TCF3: variants seen among roughly 807,000 people sequenced by gnomAD.
The protein encoded by TCF3 is transcription factor 3, also known as transcription factor E2-alpha.
In TCF3, 54 loss-of-function variants were observed where a neutral mutation model predicts 72.3. That is an observed-to-expected ratio of 0.75 (90% CI 0.60 to 0.94). TCF3 has a LOEUF of 0.94. Among genes scored for constraint, TCF3 ranks in the 40% least tolerant of loss-of-function variants. The pLI is 0.00. For missense variants in TCF3, 1,078 were observed against 934.4 expected, an observed-to-expected ratio of 1.15 and a Z score of -2.00; for synonymous variants, 525 against 412.6, an observed-to-expected ratio of 1.27 and a Z score of -3.30.
intron 3 of TCF3, among the ~76,000 whole-genome samples, chr19:1,636,067 C>G (rs2064356957): frequency 6.6e-6 from 1 of 152,252 alleles, no homozygotes; most frequent in Non-Finnish European, 1.5e-5. Context: ...TTCTCAGACC[C>G]ATTCCCAGCC....
chr19:1,634,309 TA>T (rs2064105503), intron 3 of TCF3, among the ~76,000 whole-genome samples: 1 of 152,258 alleles, frequency 6.6e-6, no homozygotes, highest in Admixed American at 6.5e-5. Context: ...ACTAATAGAA[TA>T]AGACACTGCT....
At chr19:1,635,046 G>C (rs1008791245) in intron 3 of TCF3, among the ~76,000 whole-genome samples, 9 of 152,216 alleles carry the variant, frequency 5.9e-5, no homozygotes, top group African/African-American at 2.2e-4. Flanking sequence ...TTCAGTACCA[G>C]GAGTGGGGTT....
At chr19:1,629,306 C>T (rs1382513379) in intron 5 of TCF3, among the ~76,000 whole-genome samples, 1 of 152,022 alleles carries the variant, frequency 6.6e-6, no homozygotes, top group Non-Finnish European at 1.5e-5. Flanking sequence ...CCTGTGCACA[C>T]CGCATCAGGT....
At position 1,652,431 on chromosome 19, in the gene TCF3, G is replaced by T. The variant is rs1291032882; in HGVS notation, c.-171C>A. On this transcript the variant is annotated 5_prime_UTR_variant, in exon 1 of 19. Coordinates refer to ENST00000262965, the MANE Select transcript of TCF3 (RefSeq NM_003200.5). ...CGCGTGGGCGGCGGCGGCGGCGCGCGTGGCCCGGGCCCCTCCCACCCCCGC... is the reference window on the plus strand; with the variant it reads ...CGCGTGGGCGGCGGCGGCGGCGCGCTTGGCCCGGGCCCCTCCCACCCCCGC... 3.5e-5 allele frequency: 5 copies of T among 142,350 alleles called. No individual in the cohort carries two copies. The highest frequency in any genetic ancestry group is 1.0e-4 in the African/African-American group (4 of 39,652). The allele number at this position is 142,350 out of a possible 1,614,324, so 8.8% of individuals were successfully genotyped here.
intron 7 of TCF3, 46 bp from the exon 8 acceptor site, chr19:1,624,046 C>T: frequency 6.3e-7 from 1 of 1,588,782 alleles, no homozygotes; most frequent in Non-Finnish European, 8.6e-7. Flanking sequence ...GCCATGAGAA[C>T]AACCCCTGCC....
At position 1,614,705 on chromosome 19, in the gene TCF3, GCTCACAT is replaced by G. The variant is rs958715351; in HGVS notation, c.1822+573_1822+579del. ...CAGCGCCAGCGGGGGGAAGGAGTCAGCTCACATCTGCGGGTGGGGACAGGGTCTGTCT... is the reference window on the plus strand; with the variant it reads ...CAGCGCCAGCGGGGGGAAGGAGTCAGCTGCGGGTGGGGACAGGGTCTGTCT... On this transcript the variant is annotated intron_variant, in intron 18 of 18. Coordinates refer to ENST00000262965, the MANE Select transcript of TCF3 (RefSeq NM_003200.5). The surrounding 1 kb of genome is among the most constrained non-coding windows in gnomAD (Gnocchi z 5.6). Among the ~76,000 whole-genome samples, 20 of 152,258 alleles carry G rather than the reference GCTCACAT, an allele frequency of 1.3e-4. No individual in the cohort carries two copies. Among genetic ancestry groups the G allele is most frequent in the South Asian group, 2.1e-4 (1 of 4,832 alleles).
intron 5 of TCF3, among the ~76,000 whole-genome samples, chr19:1,629,713 G>A (rs188515587): frequency 2.3e-4 from 35 of 152,302 alleles, no homozygotes; most frequent in African/African-American, 6.7e-4. Flanking sequence ...CACTGGGCAC[G>A]GAATGTGACT....
chr19:1,621,023 G>A lies in TCF3; in HGVS notation c.1038C>T (p.Ser346=). 3 of 1,523,570 alleles carry A rather than the reference G, an allele frequency of 2.0e-6. No homozygotes were observed. Among genetic ancestry groups the A allele is most frequent in the Non-Finnish European group, 2.6e-6 (3 of 1,132,916 alleles). The allele number at this position is 1,523,570 out of a possible 1,614,324, so 94.4% of individuals were successfully genotyped here. Reference sequence around the variant, plus strand: ...TAGAAGGGCTGGACGAGAAGTTATTGCTTGAGTGATCCGGGGAGTAGATCT... The same window carrying A: ...TAGAAGGGCTGGACGAGAAGTTATTACTTGAGTGATCCGGGGAGTAGATCT... ...LASIYSPDHS[S]NNFSSSPSTP... The change falls in exon 13 of 19, where the codon AGC becomes AGT. Residue 346 remains serine, a synonymous_variant. Coordinates refer to ENST00000262965, the MANE Select transcript of TCF3 (RefSeq NM_003200.5).
At chr19:1,651,850 T>C (rs2145846072) in intron 1 of TCF3, among the ~76,000 whole-genome samples, 1 of 132,852 alleles carries the variant, frequency 7.5e-6, no homozygotes, top group East Asian at 2.6e-4. Context: ...GCGCGGCACC[T>C]TCCCCGCGCA....
At chr19:1,629,141 T>G (rs1479187105) in intron 5 of TCF3, among the ~76,000 whole-genome samples, 2 of 151,240 alleles carry the variant, frequency 1.3e-5, no homozygotes, top group African/African-American at 4.9e-5. Context: ...GAGCTCACAG[T>G]GGCCCTGCTT....
Position 1,615,183 on chromosome 19 carries a change from G to T in TCF3, c.1822+102C>A. ...CTGCAAGGAGGCAACTGCTGCAGAG[G>T]GAGGGCTGGCTCCAGGAAGGCGGGC... On this transcript the variant is annotated intron_variant, in intron 18 of 18. Coordinates refer to ENST00000262965, the MANE Select transcript of TCF3 (RefSeq NM_003200.5). This position sits in a 1 kb window ranked among gnomAD's most constrained non-coding sequence, Gnocchi z 7.3. 7.2e-7 allele frequency: 1 copy of T among 1,391,520 alleles called. No individual in the cohort carries two copies. The highest frequency in any genetic ancestry group is 9.6e-7 in the Non-Finnish European group (1 of 1,044,464). 86.2% of individuals were successfully genotyped at this position (1,391,520 alleles called of 1,614,324 possible). A position where few individuals can be genotyped will look rare whatever the true frequency, so the allele number is the denominator to read the frequency against.
At position 1,611,770 on chromosome 19, in the gene TCF3, C is replaced by T. The variant is rs2061003956; in HGVS notation, c.1902G>A (p.Gln634=). ...CTGGGTGGGGAGCTGAAAGCACCAT[C>T]TGGGGGTCTCCAACCACACCTGACA... The part of the protein sequence containing the change: ...EKVSGVVGDP[Q]MVLSAPHPGL... The change falls in exon 19 of 19, where the codon CAG becomes CAA. Residue 634 remains glutamine (Q), a synonymous_variant. Transcript: ENST00000262965. 1 of 1,613,712 alleles carries T rather than the reference C, an allele frequency of 6.2e-7. No individual in the cohort carries two copies. The highest frequency in any genetic ancestry group is 8.5e-7 in the Non-Finnish European group (1 of 1,179,960).
chr19:1,616,914 A>T (rs917690200), intron 16 of TCF3, among the ~76,000 whole-genome samples: 19 of 152,238 alleles, frequency 1.2e-4, no homozygotes, highest in Non-Finnish European at 1.8e-4. Context: ...GCCAACCAGG[A>T]GGTGATCTCC....
In TCF3 at chr19:1,627,418, C is replaced by T. The variant is rs201841190; in HGVS notation, c.307G>A (p.Gly103Ser). The T allele has an allele frequency of 1.5e-4, 247 of 1,611,958 alleles. No individual in the cohort carries two copies. In the East Asian group the frequency reaches 1.6e-3, roughly 11 times the overall value. ...AAGGAGGCATAGGCGCCCCGCTCAC[C>T]GCTCTTGCCTGCAAGGGGAGAAGGA... The part of the protein sequence containing the change: ...FLGPGLGGKS[G>S]ERGAYASFGR... Residue 103 changes from glycine to serine, a missense_variant, in exon 6 of 19, where the codon GGT becomes AGT. Gly to Ser is a moderately conservative substitution (Grantham distance 56). Transcript: ENST00000262965.
At chr19:1,638,481 C>T (rs2064779117) in intron 3 of TCF3, among the ~76,000 whole-genome samples, 1 of 152,176 alleles carries the variant, frequency 6.6e-6, no homozygotes, top group Non-Finnish European at 1.5e-5. Flanking sequence ...TACGGCATTT[C>T]ACCGTGTTAA....
chr19:1,637,701 A>G (rs2064633654), intron 3 of TCF3, among the ~76,000 whole-genome samples: 1 of 152,312 alleles, frequency 6.6e-6, no homozygotes, highest in Admixed American at 6.5e-5. Context: ...CGAGGTCCAG[A>G]AATCAAGACC....
At chr19:1,627,525 T>A (rs1002010986) in intron 5 of TCF3, 99 bp from the exon 6 acceptor site, 2 of 1,056,400 alleles carry the variant, frequency 1.9e-6, no homozygotes, top group African/African-American at 1.6e-5. Flanking sequence ...TCTCAGTAAG[T>A]GCACACGACT....
intron 3 of TCF3, among the ~76,000 whole-genome samples, chr19:1,637,057 G>A (rs1197779930): frequency 6.6e-6 from 1 of 152,128 alleles, no homozygotes; most frequent in South Asian, 2.1e-4. Context: ...CAGAACCGGG[G>A]ACGCCTCGCA....
At chr19:1,646,575 C>A in intron 2 of TCF3, 148 bp from the exon 3 acceptor site, 2 of 685,470 alleles carry the variant, frequency 2.9e-6, no homozygotes, top group Non-Finnish European at 5.0e-6. Context: ...CCTGCTCCGC[C>A]CCATCACAGA....
Sources: allele counts gnomAD v4.1 joint callset (sites outside exome capture counted in the v4.1 genomes callset), GRCh38; gene constraint gnomAD v4.1.1; non-coding constraint Gnocchi (gnomAD v3.1); transcripts MANE v1.5; gene names NCBI Gene and HGNC (gene_info 2026-07-23, HGNC 2026-07-21).